DTNA: variants seen among roughly 807,000 people sequenced by gnomAD.
The protein encoded by DTNA is dystrobrevin alpha.
A neutral mutation model predicts 100.7 loss-of-function variants in DTNA; 43 were observed. The observed-to-expected ratio is 0.43, with a 90% CI of 0.33 to 0.55. The LOEUF is 0.55. Among genes scored for constraint, DTNA ranks in the 20% least tolerant of loss-of-function variants. The probability of loss-of-function intolerance (pLI) is 0.04; values close to 1 mark genes in which losing one functional copy is unlikely to be tolerated. For synonymous variants in DTNA, 349 were observed against 347.9 expected, an observed-to-expected ratio of 1.00 and a Z score of -0.04; for missense variants, 798 against 953.9, an observed-to-expected ratio of 0.84 and a Z score of 2.15.
chr18:34,866,450 T>C (rs2096705292), intron 17 of DTNA: 2 of 1,257,100 alleles, frequency 1.6e-6, no homozygotes. Flanking sequence ...TTTCAAGTTG[T>C]TGATCAGACC....
intron 3 of DTNA, among the ~76,000 whole-genome samples, chr18:34,778,275 T>C (rs749801052): frequency 2.6e-5 from 4 of 152,172 alleles, no homozygotes; most frequent in African/African-American, 9.7e-5. Flanking sequence ...CCAAGCCAAT[T>C]TACTATCCAA....
chr18:34,494,700 G>A (rs1568531535), intron 1 of DTNA, among the ~76,000 whole-genome samples: 1 of 152,056 alleles, frequency 6.6e-6, no homozygotes, highest in East Asian at 1.9e-4. Flanking sequence ...AATATTGGAT[G>A]TGCCTTGCAG....
At chr18:34,586,751 A>T (rs901612892) in intron 1 of DTNA, among the ~76,000 whole-genome samples, 1 of 152,124 alleles carries the variant, frequency 6.6e-6, no homozygotes, top group African/African-American at 2.4e-5. Flanking sequence ...TTTTACCCTC[A>T]CTTCTTAAGC....
chr18:34,627,556 T>C (rs528730612), intron 1 of DTNA, among the ~76,000 whole-genome samples: 1 of 152,282 alleles, frequency 6.6e-6, no homozygotes, highest in Admixed American at 6.5e-5. Flanking sequence ...TTAGAGATCA[T>C]AGAGGGCCAT....
At chr18:34,528,491 C>T (rs1049437159) in intron 1 of DTNA, among the ~76,000 whole-genome samples, 3 of 151,978 alleles carry the variant, frequency 2.0e-5, no homozygotes, top group African/African-American at 7.2e-5. Flanking sequence ...TATATATACA[C>T]ACACATATAT....
chr18:34,647,971 A>C (rs1026496438), intron 1 of DTNA, among the ~76,000 whole-genome samples: 3 of 152,234 alleles, frequency 2.0e-5, no homozygotes, highest in African/African-American at 7.2e-5. Context: ...GGGGAATCTA[A>C]ATTAGTTTGG....
chr18:34,879,997 A>G (rs112719013), intron 20 of DTNA, among the ~76,000 whole-genome samples: 1 of 152,168 alleles, frequency 6.6e-6, no homozygotes, highest in African/African-American at 2.4e-5. Flanking sequence ...TATACAAAAT[A>G]GTATTAAAAA....
intron 16 of DTNA, among the ~76,000 whole-genome samples, chr18:34,860,756 T>C (rs2150097565): frequency 6.6e-6 from 1 of 152,302 alleles, no homozygotes; most frequent in Non-Finnish European, 1.5e-5. Flanking sequence ...GAAAGCTGAG[T>C]CACAGCCAGA....
At chr18:34,832,754 ATG>A (rs752347307) in intron 11 of DTNA, among the ~76,000 whole-genome samples, 1 of 152,146 alleles carries the variant, frequency 6.6e-6, no homozygotes, top group Non-Finnish European at 1.5e-5. Context: ...TATATTTCAG[ATG>A]TAAGCTATTG....
At chr18:34,868,792 T>C (rs1278370867) in intron 17 of DTNA, 2 of 971,420 alleles carry the variant, frequency 2.1e-6, no homozygotes, top group Non-Finnish European at 1.2e-6. Context: ...AAGCAATAAA[T>C]TTTTTTTTAC....
At chr18:34,866,213 AATGT>A (rs1232689273) in intron 17 of DTNA, 2 of 1,613,610 alleles carry the variant, frequency 1.2e-6, no homozygotes, top group Non-Finnish European at 1.7e-6. Flanking sequence ...CTTTTGCTCT[AATGT>A]ATGTTCATGC....
chr18:34,809,531 TA>T (rs1426040766), intron 5 of DTNA, among the ~76,000 whole-genome samples: 11 of 152,160 alleles, frequency 7.2e-5, no homozygotes, highest in African/African-American at 2.7e-4. Context: ...TAAGAAAAAG[TA>T]AAATGAAGGG....
intron 1 of DTNA, among the ~76,000 whole-genome samples, chr18:34,695,875 T>A (rs192103041): frequency 4.0e-4 from 61 of 151,772 alleles, no homozygotes; most frequent in Admixed American, 3.7e-3. Context: ...ATTAGGAAAA[T>A]TTTTTTTTAG....
At chr18:34,573,786 G>A (rs1452427918) in intron 1 of DTNA, among the ~76,000 whole-genome samples, 1 of 152,130 alleles carries the variant, frequency 6.6e-6, no homozygotes, top group Admixed American at 6.6e-5. Context: ...GTTGTACACT[G>A]GATCTTTTGA....
chr18:34,839,706 C>A (rs1359542513), intron 13 of DTNA, among the ~76,000 whole-genome samples: 2 of 152,024 alleles, frequency 1.3e-5, no homozygotes, highest in Non-Finnish European at 2.9e-5. Flanking sequence ...AATTAAGGGC[C>A]CATGGATTTT....
chr18:34,654,782 A>C (rs1156783287), intron 1 of DTNA, among the ~76,000 whole-genome samples: 1 of 152,016 alleles, frequency 6.6e-6, no homozygotes, highest in Non-Finnish European at 1.5e-5. Flanking sequence ...GCTGGAGTGC[A>C]GTGGTGCAAT....
chr18:34,822,843 T>C (rs1052196115), intron 9 of DTNA, among the ~76,000 whole-genome samples: 3 of 136,966 alleles, frequency 2.2e-5, no homozygotes, highest in Admixed American at 7.0e-5. Flanking sequence ...GTACAAAATG[T>C]GTCTTCTGAG....
intron 6 of DTNA, among the ~76,000 whole-genome samples, chr18:34,813,777 G>A (rs1299178765): frequency 6.6e-6 from 1 of 150,436 alleles, no homozygotes; most frequent in Non-Finnish European, 1.5e-5. Flanking sequence ...GTGAGGCAGA[G>A]GTTGCAGTGA....
intron 1 of DTNA, among the ~76,000 whole-genome samples, chr18:34,514,595 T>C (rs1220372657): frequency 6.6e-6 from 1 of 152,116 alleles, no homozygotes; most frequent in Non-Finnish European, 1.5e-5. Flanking sequence ...GTTCAGACTA[T>C]AGCAAAATAT....
Sources: gnomAD v4.1 joint callset for allele counts (sites outside exome capture counted in the v4.1 genomes callset) on GRCh38, gnomAD v4.1.1 for gene constraint, MANE v1.5 for transcripts, NCBI Gene and HGNC (gene_info 2026-07-23, HGNC 2026-07-21) for gene names.